ARL15: variants seen among roughly 807,000 people sequenced by gnomAD.
ARL15 encodes ARF like GTPase 15.
In ARL15, 19 loss-of-function variants were observed where a neutral mutation model predicts 25.2. That is an observed-to-expected ratio of 0.75 (90% CI 0.53 to 1.10). The LOEUF (loss-of-function observed/expected upper bound fraction) is 1.10. Ranked by LOEUF, ARL15 falls within the 50% of genes least tolerant of loss-of-function variation. ARL15 has a pLI of 0.00. For synonymous variants in ARL15, 94 were observed against 86.8 expected, an observed-to-expected ratio of 1.08 and a Z score of -0.46; for missense variants, 220 against 246.0, an observed-to-expected ratio of 0.89 and a Z score of 0.71.
chr5:53,892,299 G>A (rs181991375), intron 4 of ARL15, among the ~76,000 whole-genome samples: 1 of 152,324 alleles, frequency 6.6e-6, no homozygotes, highest in Admixed American at 6.5e-5. Context: ...GACAACTTTA[G>A]CTCCTTCAAA....
intron 3 of ARL15, among the ~76,000 whole-genome samples, chr5:54,127,342 G>A (rs1167562522): frequency 1.3e-5 from 2 of 152,026 alleles, no homozygotes; most frequent in Non-Finnish European, 2.9e-5. Flanking sequence ...AAACCAATAC[G>A]CAAAAATCAC....
chr5:54,019,525 A>G (rs1449056489), intron 4 of ARL15, among the ~76,000 whole-genome samples: 1 of 152,212 alleles, frequency 6.6e-6, no homozygotes, highest in Non-Finnish European at 1.5e-5. Context: ...AATTAATATC[A>G]TATTGAACGA....
intron 4 of ARL15, among the ~76,000 whole-genome samples, chr5:54,023,327 T>C (rs1749676595): frequency 7.1e-6 from 1 of 140,808 alleles, no homozygotes. Flanking sequence ...TATATGGAAA[T>C]GCAATTATAA....
intron 1 of ARL15, among the ~76,000 whole-genome samples, chr5:54,298,338 C>T (rs1368357676): frequency 2.0e-5 from 3 of 152,102 alleles, no homozygotes; most frequent in Admixed American, 6.5e-5. Flanking sequence ...TGTGCCAAGA[C>T]GGTCTGCAAC....
intron 4 of ARL15, among the ~76,000 whole-genome samples, chr5:53,997,119 G>A (rs1748706738): frequency 6.6e-6 from 1 of 152,158 alleles, no homozygotes; most frequent in South Asian, 2.1e-4. Context: ...TTCGTTTGCT[G>A]AACCTTGGAA....
intron 3 of ARL15, among the ~76,000 whole-genome samples, chr5:54,145,370 A>G (rs1753874316): frequency 6.6e-6 from 1 of 152,216 alleles, no homozygotes; most frequent in Non-Finnish European, 1.5e-5. Flanking sequence ...AATGCAACAA[A>G]TTTTTGATTC....
chr5:54,150,928 A>G (rs1056759742), intron 3 of ARL15, among the ~76,000 whole-genome samples: 1 of 151,896 alleles, frequency 6.6e-6, no homozygotes, highest in African/African-American at 2.4e-5. Flanking sequence ...AGCAGCAAAT[A>G]ACAGGTGGGA....
intron 4 of ARL15, among the ~76,000 whole-genome samples, chr5:53,963,802 C>T (rs1244253687): frequency 8.1e-6 from 1 of 124,024 alleles, no homozygotes; most frequent in South Asian, 2.9e-4. Context: ...GAGTGAAACT[C>T]CATCACACAC....
intron 4 of ARL15, among the ~76,000 whole-genome samples, chr5:53,943,594 G>C (rs1039395928): frequency 6.6e-6 from 1 of 152,182 alleles, no homozygotes; most frequent in African/African-American, 2.4e-5. Context: ...TGAAAAGACA[G>C]GAATTGTCAA....
At chr5:53,948,743 T>G (rs2112108972) in intron 4 of ARL15, among the ~76,000 whole-genome samples, 1 of 152,336 alleles carries the variant, frequency 6.6e-6, no homozygotes, top group Admixed American at 6.5e-5. Flanking sequence ...GCTAAAATAC[T>G]TTTCTGGAAG....
chr5:53,940,699 T>C (rs1203183578), intron 4 of ARL15, among the ~76,000 whole-genome samples: 1 of 152,230 alleles, frequency 6.6e-6, no homozygotes, highest in Non-Finnish European at 1.5e-5. Context: ...GAAACATGCA[T>C]ACTTCACTTA....
At chr5:54,199,546 C>T (rs1014110985) in intron 1 of ARL15, among the ~76,000 whole-genome samples, 28 of 151,930 alleles carry the variant, frequency 1.8e-4, no homozygotes, top group Non-Finnish European at 1.8e-4. Flanking sequence ...TGAAAAAATG[C>T]TCACCATCAC....
rs549691545 is a variant in ARL15, at chr5:54,214,675, C to T, written c.49-42747G>A. Reference sequence around the variant, plus strand: ...GACGCACACCATGTTTAACACGAAACGTCCTGAACACTTCCTGTGGCCATT... The same window carrying T: ...GACGCACACCATGTTTAACACGAAATGTCCTGAACACTTCCTGTGGCCATT... On this transcript the variant is annotated intron_variant, in intron 1 of 4. Transcript: ENST00000504924. 6.6e-5 allele frequency among the ~76,000 whole-genome samples: 10 copies of T among 152,278 alleles called. No individual in the cohort carries two copies. The East Asian group carries it at 9.6e-4, about 15-fold the overall frequency.
intron 4 of ARL15, among the ~76,000 whole-genome samples, chr5:53,889,586 A>C (rs1580051730): frequency 6.6e-6 from 1 of 152,216 alleles, no homozygotes; most frequent in Non-Finnish European, 1.5e-5. Flanking sequence ...GGTATCTAAC[A>C]CTGCCAATAT....
intron 4 of ARL15, among the ~76,000 whole-genome samples, chr5:53,904,797 C>T (rs1470597201): frequency 2.8e-5 from 4 of 141,024 alleles, no homozygotes; most frequent in South Asian, 2.2e-4. Context: ...GGCACACTCT[C>T]GGCTTACTGC....
At chr5:54,189,894 GA>G (rs1467333252) in intron 1 of ARL15, among the ~76,000 whole-genome samples, 1 of 152,008 alleles carries the variant, frequency 6.6e-6, no homozygotes, top group East Asian at 1.9e-4. Context: ...CATAGAATGG[GA>G]AAAAATATTT....
Position 54,152,564 on chromosome 5 carries a change from A to C in ARL15, c.253+2016T>G, listed in dbSNP as rs537600224. The stretch of plus-strand genomic sequence containing the variant: ...TGTCAACTGGAAACAGAGCTATTAA[A>C]GTTGAGAAAGTAAAAGAATCTATGC... On this transcript the variant is annotated intron_variant, in intron 3 of 4. Transcript: ENST00000504924. 7.2e-5 allele frequency among the ~76,000 whole-genome samples: 11 copies of C among 152,282 alleles called. No individual in the cohort carries two copies. In the South Asian group the frequency reaches 1.7e-3, roughly 23 times the overall value.
At chr5:54,200,567 C>A (rs1755694391) in intron 1 of ARL15, among the ~76,000 whole-genome samples, 1 of 151,640 alleles carries the variant, frequency 6.6e-6, no homozygotes, top group South Asian at 2.1e-4. Context: ...TTAAGTTACA[C>A]CAGGAAGGAT....
intron 4 of ARL15, among the ~76,000 whole-genome samples, chr5:54,103,501 G>A (rs932890425): frequency 2.0e-5 from 3 of 151,972 alleles, no homozygotes; most frequent in African/African-American, 7.3e-5. Flanking sequence ...TATATAAAGA[G>A]ATATTATTAA....
Sources: allele counts gnomAD v4.1 joint callset (sites outside exome capture counted in the v4.1 genomes callset), GRCh38; gene constraint gnomAD v4.1.1; transcripts MANE v1.5; gene names NCBI Gene and HGNC (gene_info 2026-07-23, HGNC 2026-07-21).